WDR36: variants seen among roughly 807,000 people sequenced by gnomAD.
WDR36 encodes the protein WD repeat domain 36, also known as WD repeat-containing protein 36.
A neutral mutation model predicts 112.7 loss-of-function variants in WDR36; 63 were observed. That is an observed-to-expected ratio of 0.56 (90% CI 0.46 to 0.69). The LOEUF is 0.69. Ranked by LOEUF, WDR36 falls within the 30% of genes least tolerant of loss-of-function variation. WDR36 has a pLI of 0.00. For missense variants in WDR36, 1,226 were observed against 1,070.3 expected, an observed-to-expected ratio of 1.15 and a Z score of -2.03; for synonymous variants, 410 against 362.2, an observed-to-expected ratio of 1.13 and a Z score of -1.50.
intron 11 of WDR36, 130 bp from the exon 12 acceptor site, chr5:111,107,164 A>G (rs1753236732): frequency 2.0e-6 from 2 of 1,020,778 alleles, no homozygotes; most frequent in South Asian, 1.5e-5. Flanking sequence ...TTGGAAACAT[A>G]TTGCTATCAG....
At chr5:111,120,252 C>G (rs989917476) in intron 17 of WDR36, among the ~76,000 whole-genome samples, 5 of 152,102 alleles carry the variant, frequency 3.3e-5, no homozygotes, top group Non-Finnish European at 5.9e-5. Flanking sequence ...TTATTATCTA[C>G]TACTGGTCTG....
At position 111,094,943 on chromosome 5, in the gene WDR36, A is replaced by G. The variant is rs777455411; in HGVS notation, c.186A>G (p.Ala62=). 6.2e-7 allele frequency: 1 copy of G among 1,606,576 alleles called. No homozygotes were observed. The highest frequency in any genetic ancestry group is 8.5e-7 in the Non-Finnish European group (1 of 1,175,366). ...TYDVQKLSLV[A]VSNSVPQDIC... ...AGGTTCAGAAACTTAGTCTGGTTGCAGTAAGTAAGTATGGACTTTATTCTG... is the reference window on the plus strand; with the variant it reads ...AGGTTCAGAAACTTAGTCTGGTTGCGGTAAGTAAGTATGGACTTTATTCTG... The change falls in exon 2 of 23, where the codon GCA becomes GCG. Residue 62 remains alanine (A), a synonymous_variant. Transcript: ENST00000513710.
At chr5:111,095,105 T>C (rs1459970008) in intron 2 of WDR36, 158 bp downstream of exon 2, 2 of 679,726 alleles carry the variant, frequency 2.9e-6, no homozygotes, top group Non-Finnish European at 5.0e-6. Context: ...GGATAAATCA[T>C]GTTTTGCTTT....
intron 17 of WDR36, 146 bp from the exon 18 acceptor site, chr5:111,120,345 TAAGTC>T (rs1259122388): frequency 1.2e-5 from 8 of 643,416 alleles, no homozygotes; most frequent in South Asian, 3.8e-5. Flanking sequence ...ATCTATGACA[TAAGTC>T]AAGGCGTTTT....
rs923608205 is a variant in WDR36, at chr5:111,127,454, C to T, written c.*571C>T. On this transcript the variant is annotated 3_prime_UTR_variant, in exon 23 of 23. Coordinates refer to ENST00000513710, the MANE Select transcript of WDR36 (RefSeq NM_139281.3). ...AAGAAAAAAGGAATGCTTTTTTCCTCGGTGGCCTTTGATAAAAATATGAAT... is the reference window on the plus strand; with the variant it reads ...AAGAAAAAAGGAATGCTTTTTTCCTTGGTGGCCTTTGATAAAAATATGAAT... The T allele has an allele frequency of 4.9e-6, 1 of 204,030 alleles. No individual in the cohort carries two copies. The highest frequency in any genetic ancestry group is 1.0e-5 in the Non-Finnish European group (1 of 99,532). The allele number at this position is 204,030 out of a possible 1,614,324, so 12.6% of individuals were successfully genotyped here. A position where few individuals can be genotyped will look rare whatever the true frequency, so the allele number is the denominator to read the frequency against.
rs778427723 is a variant in WDR36, at chr5:111,125,804, A to G, written c.2538+9A>G. ...TTGCATTGTTTCTAAAGGTAAGTCT[A>G]ATGTAAGACAGTACTGCCCAGCTTG... On this transcript the variant is annotated intron_variant, in intron 22 of 22. Coordinates refer to ENST00000513710, the MANE Select transcript of WDR36 (RefSeq NM_139281.3). The G allele has an allele frequency of 2.5e-6, 4 of 1,613,562 alleles. No individual in the cohort carries two copies. The Admixed American group carries it at 6.7e-5, about 27-fold the overall frequency.
At chr5:111,097,003 A>G in intron 2 of WDR36, 76 bp from the exon 3 acceptor site, 1 of 981,420 alleles carries the variant, frequency 1.0e-6, no homozygotes. Context: ...GCCATGAAAA[A>G]TGTTATATGT....
At chr5:111,120,468 A>T (rs1353252852) in intron 17 of WDR36, 28 bp from the exon 18 acceptor site, 1 of 1,553,442 alleles carries the variant, frequency 6.4e-7, no homozygotes, top group Admixed American at 1.7e-5. Flanking sequence ...ATAATTTTTA[A>T]AATATTGCTT....
In WDR36 at chr5:111,120,492, T is replaced by A. The variant is rs754241615; in HGVS notation, c.1905-4T>A. On this transcript the variant is annotated splice_polypyrimidine_tract_variant and splice_region_variant and intron_variant, in intron 17 of 22. Transcript: ENST00000513710. ...AAAATATTGCTTATGTTTTGATTTT[T>A]CAGGTCCAATATTTCCCTGTATTCA... The A allele has an allele frequency of 6.2e-7, 1 of 1,608,784 alleles. No homozygotes were observed. The highest frequency in any genetic ancestry group is 8.5e-7 in the Non-Finnish European group (1 of 1,175,764).
chr5:111,104,123 T>A, intron 7 of WDR36, 54 bp from the exon 8 acceptor site: 5 of 1,518,920 alleles, frequency 3.3e-6, no homozygotes, highest in Non-Finnish European at 4.5e-6. Flanking sequence ...GAATTCTTGT[T>A]TATTTTGGGG....
In WDR36 at chr5:111,129,493, G is replaced by A. The variant is rs1753744352; in HGVS notation, c.*2610G>A. On this transcript the variant is annotated 3_prime_UTR_variant, in exon 23 of 23. Coordinates refer to ENST00000513710, the MANE Select transcript of WDR36 (RefSeq NM_139281.3). The stretch of plus-strand genomic sequence containing the variant: ...CACTAGTGAAGATGGACATATTTTT[G>A]TATGTTTATTTTAGAACATATAAAC... 1 of 193,156 alleles carries A rather than the reference G, an allele frequency of 5.2e-6. No individual in the cohort carries two copies. The highest frequency in any genetic ancestry group is 2.3e-5 in the African/African-American group (1 of 43,092). 12.0% of individuals were successfully genotyped at this position (193,156 alleles called of 1,614,324 possible).
intron 19 of WDR36, among the ~76,000 whole-genome samples, chr5:111,121,905 A>G (rs1003876978): frequency 1.3e-5 from 2 of 152,200 alleles, no homozygotes; most frequent in African/African-American, 4.8e-5. Context: ...CATACACTAG[A>G]TCTGCTGGAT....
intron 14 of WDR36, 63 bp downstream of exon 14, chr5:111,111,016 A>T: frequency 6.3e-7 from 1 of 1,593,426 alleles, no homozygotes; most frequent in Non-Finnish European, 8.6e-7. Context: ...TAAAGTCACA[A>T]TTTACCAAGT....
chr5:111,118,958 T>G lies in WDR36; in HGVS notation c.1797-55T>G, dbSNP rs193087072. 1.5e-4 allele frequency: 218 copies of G among 1,432,898 alleles called. 1 individual carries two copies. The Middle Eastern group carries it at 5.6e-3, about 37-fold the overall frequency. 88.8% of individuals were successfully genotyped at this position (1,432,898 alleles called of 1,614,324 possible). On this transcript the variant is annotated intron_variant, in intron 16 of 22. Transcript: ENST00000513710. The stretch of plus-strand genomic sequence containing the variant: ...TTTTTGGCAAAAATATTTTTGTGAA[T>G]TATCTCCTTTTTGGTAGAGTTCAAA...
intron 13 of WDR36, 57 bp downstream of exon 13, chr5:111,110,360 G>C: frequency 7.3e-7 from 1 of 1,368,170 alleles, no homozygotes; most frequent in Non-Finnish European, 1.0e-6. Flanking sequence ...AACTAGTAGT[G>C]AAAGCTGGTA....
chr5:111,112,649 A>C lies in WDR36; in HGVS notation c.1717-425A>C, dbSNP rs558597548. On this transcript the variant is annotated intron_variant, in intron 15 of 22. Transcript: ENST00000513710. The stretch of plus-strand genomic sequence containing the variant: ...TAGTTTATTTAAATTTATTTTGAAA[A>C]TCTGATTATTATAGTTTGTTTAGAA... Among the ~76,000 whole-genome samples, 54 of 152,112 alleles carry C rather than the reference A, an allele frequency of 3.6e-4. 1 individual carries two copies. The East Asian group carries it at 0.01, about 28-fold the overall frequency.
At chr5:111,093,915 A>G (rs1210419309) in intron 1 of WDR36, among the ~76,000 whole-genome samples, 1 of 152,220 alleles carries the variant, frequency 6.6e-6, no homozygotes, top group Non-Finnish European at 1.5e-5. Flanking sequence ...TCTAACACTG[A>G]TGATACATTC....
intron 15 of WDR36, among the ~76,000 whole-genome samples, chr5:111,112,827 A>G (rs1753369325): frequency 6.6e-6 from 1 of 151,498 alleles, no homozygotes; most frequent in Admixed American, 6.6e-5. Flanking sequence ...AATTCATTTA[A>G]AAGTCTAATC....
chr5:111,126,590 A>G (rs1753682268), intron 22 of WDR36, 144 bp from the exon 23 acceptor site: 4 of 893,310 alleles, frequency 4.5e-6, no homozygotes, highest in Non-Finnish European at 6.9e-6. Flanking sequence ...GAGGAGGGGA[A>G]AATGGGAGAT....
Sources: allele counts gnomAD v4.1 joint callset (sites outside exome capture counted in the v4.1 genomes callset), GRCh38; gene constraint gnomAD v4.1.1; transcripts MANE v1.5; gene names NCBI Gene and HGNC (gene_info 2026-07-23, HGNC 2026-07-21).